Variants in OR8D4 observed in about 807,000 individuals in gnomAD.
OR8D4 encodes olfactory receptor 8D4.
For missense variants in OR8D4, 359 were observed against 372.6 expected, an observed-to-expected ratio of 0.96 and a Z score of 0.30; for synonymous variants, 141 against 134.8, an observed-to-expected ratio of 1.05 and a Z score of -0.32.
At position 123,906,540 on chromosome 11, in the gene OR8D4, G is replaced by A; in HGVS notation, c.109G>A (p.Val37Ile). The change falls in exon 2 of 2, where the codon GTT (valine) becomes ATT (isoleucine). Residue 37 changes from valine (V) to isoleucine (I), a missense_variant. By Grantham distance (29) the Val-to-Ile change is conservative. Coordinates refer to ENST00000641687, the MANE Select transcript of OR8D4 (RefSeq NM_001005197.2). ...LFCLFLGIYT[V>I]TVVGNLSMIS... ...CTGCCTCTTCTTAGGAATTTACACA[G>A]TTACTGTGGTGGGAAACCTCAGCAT... 6.2e-7 allele frequency: 1 copy of A among 1,613,794 alleles called. No homozygotes were observed. The highest frequency in any genetic ancestry group is 8.5e-7 in the Non-Finnish European group (1 of 1,179,738).
rs1032749427 is a variant in OR8D4, at chr11:123,907,471, G to A, written c.*95G>A. On this transcript the variant is annotated 3_prime_UTR_variant, in exon 2 of 2. Coordinates refer to ENST00000641687, the MANE Select transcript of OR8D4 (RefSeq NM_001005197.2). The stretch of plus-strand genomic sequence containing the variant: ...TATTTAAAAGTAATTTGAGGTCCAG[G>A]TACGGTGACTTACGCCTGTAATCCC... The A allele has an allele frequency of 8.2e-6, 5 of 606,084 alleles. No individual in the cohort carries two copies. Among genetic ancestry groups the A allele is most frequent in the South Asian group, 2.7e-5 (1 of 36,862 alleles). The allele number at this position is 606,084 out of a possible 1,614,324, so 37.5% of individuals were successfully genotyped here.
chr11:123,904,259 G>C (rs996139662), intron 1 of OR8D4, among the ~76,000 whole-genome samples: 1 of 152,130 alleles, frequency 6.6e-6, no homozygotes, highest in African/African-American at 2.4e-5. Flanking sequence ...TGAGAAGAGG[G>C]AAGAACAGTG....
At chr11:123,905,395 G>T (rs994537817) in intron 1 of OR8D4, among the ~76,000 whole-genome samples, 1 of 152,154 alleles carries the variant, frequency 6.6e-6, no homozygotes, top group Admixed American at 6.5e-5. Context: ...GATAAATATT[G>T]TATTTATATA....
In OR8D4 at chr11:123,906,836, C is replaced by G. The variant is rs1156448267; in HGVS notation, c.405C>G (p.Ile135Met). ...AICSPLLYRV[I>M]MSPRVCSLLV... ...GCAGCCCACTGCTCTACAGGGTCAT[C>G]ATGTCCCCTAGGGTCTGTTCTCTGC... Residue 135 changes from isoleucine (I) to methionine (M), a missense_variant, in exon 2 of 2, where the codon ATC (isoleucine) becomes ATG (methionine). Ile to Met is a conservative substitution (Grantham distance 10). Transcript: ENST00000641687. 6.2e-7 allele frequency: 1 copy of G among 1,613,974 alleles called. No individual in the cohort carries two copies. Among genetic ancestry groups the G allele is most frequent in the East Asian group, 2.2e-5 (1 of 44,850 alleles).
At position 123,907,029 on chromosome 11, in the gene OR8D4, T is replaced by C. The variant is rs10790610; in HGVS notation, c.598T>C (p.Phe200Leu). The C allele has an allele frequency of 0.32, 511,132 of 1,613,752 alleles. 83,253 individuals are homozygous for C. Among genetic ancestry groups the C allele is most frequent in the Admixed American group, 0.36 (21,860 of 60,014 alleles). The change falls in exon 2 of 2, where the codon TTT (phenylalanine) becomes CTT (leucine). Residue 200 changes from phenylalanine (F) to leucine (L), a missense_variant. Physicochemically the swap from Phe to Leu is conservative, Grantham distance 22 (BLOSUM62 0). Transcript: ENST00000641687. ...CACTTATATTGATGAGCTTTTGATT[T>C]TTGTCATTGGTGGATTTAACATGGT... The part of the protein sequence containing the change: ...SSTYIDELLI[F>L]VIGGFNMVAT...
At chr11:123,905,754 G>T (rs752188235) in intron 1 of OR8D4, among the ~76,000 whole-genome samples, 1 of 152,114 alleles carries the variant, frequency 6.6e-6, no homozygotes, top group Non-Finnish European at 1.5e-5. Flanking sequence ...GGGGAGTCAG[G>T]CTGGTGGGAG....
At chr11:123,904,552 G>A (rs940832070) in intron 1 of OR8D4, among the ~76,000 whole-genome samples, 2 of 152,124 alleles carry the variant, frequency 1.3e-5, no homozygotes, top group South Asian at 2.1e-4. Context: ...GGAAGACTCC[G>A]GGTATTTCTG....
At chr11:123,903,135 C>A (rs1241909593) in intron 1 of OR8D4, among the ~76,000 whole-genome samples, 2 of 151,778 alleles carry the variant, frequency 1.3e-5, no homozygotes, top group East Asian at 1.9e-4. Context: ...ATTTACTTAG[C>A]ATTTACATTA....
At position 123,906,456 on chromosome 11, in the gene OR8D4, G is replaced by A; in HGVS notation, c.25G>A (p.Val9Met). 1 of 1,609,086 alleles carries A rather than the reference G, an allele frequency of 6.2e-7. No individual in the cohort carries two copies. Among genetic ancestry groups the A allele is most frequent in the South Asian group, 1.1e-5 (1 of 90,342 alleles). The change falls in exon 2 of 2, where the codon GTG (valine) becomes ATG (methionine). Residue 9 changes from valine (V) to methionine (M), a missense_variant. Physicochemically the swap from Val to Met is conservative, Grantham distance 21 (BLOSUM62 1). Coordinates refer to ENST00000641687, the MANE Select transcript of OR8D4 (RefSeq NM_001005197.2). ...AATGGGTGTAAAAAACCATTCCACA[G>A]TGACTGAGTTTCTTCTTTCAGGATT... Reference protein sequence around the residue: MGVKNHSTVTEFLLSGLTE... With the variant: MGVKNHSTMTEFLLSGLTE...
intron 1 of OR8D4, among the ~76,000 whole-genome samples, chr11:123,902,662 A>G (rs981474946): frequency 6.6e-6 from 1 of 152,158 alleles, no homozygotes; most frequent in Non-Finnish European, 1.5e-5. Flanking sequence ...TGTAAATCTT[A>G]GAAATGAAAA....
In OR8D4 at chr11:123,906,632, T is replaced by G; in HGVS notation, c.201T>G (p.Ser67=). The G allele has an allele frequency of 6.2e-7, 1 of 1,613,630 alleles. No individual in the cohort carries two copies. Among genetic ancestry groups the G allele is most frequent in the Non-Finnish European group, 8.5e-7 (1 of 1,179,522 alleles). The change falls in exon 2 of 2, where the codon TCT becomes TCG. Residue 67 remains serine (S), a synonymous_variant. Transcript: ENST00000641687. ...TPMYYFLSSL[S]FLDFCYSSVI... Reference sequence around the variant, plus strand: ...TGTACTATTTCCTGAGTAGTTTGTCTTTTTTAGATTTCTGCTATTCTTCTG... The same window carrying G: ...TGTACTATTTCCTGAGTAGTTTGTCGTTTTTAGATTTCTGCTATTCTTCTG...
chr11:123,903,919 C>T (rs899145397), intron 1 of OR8D4, among the ~76,000 whole-genome samples: 4 of 152,118 alleles, frequency 2.6e-5, no homozygotes, highest in African/African-American at 9.7e-5. Context: ...ATGGGCTTTA[C>T]ATAATCAGGT....
chr11:123,908,004 C>G lies in OR8D4; in HGVS notation c.*628C>G, dbSNP rs1269512765. 6.6e-6 allele frequency: 1 copy of G among 151,878 alleles called. No homozygotes were observed. The highest frequency in any genetic ancestry group is 2.4e-5 in the African/African-American group (1 of 41,338). 9.4% of individuals were successfully genotyped at this position (151,878 alleles called of 1,614,324 possible). A position where few individuals can be genotyped will look rare whatever the true frequency, so the allele number is the denominator to read the frequency against. Reference sequence around the variant, plus strand: ...ACTGCATAGTCATATCAGAAGAAAACCACACCTAATTTCAAAAAAAATTGA... The same window carrying G: ...ACTGCATAGTCATATCAGAAGAAAAGCACACCTAATTTCAAAAAAAATTGA... On this transcript the variant is annotated 3_prime_UTR_variant, in exon 2 of 2. Coordinates refer to ENST00000641687, the MANE Select transcript of OR8D4 (RefSeq NM_001005197.2).
chr11:123,903,586 A>C (rs1863177956), intron 1 of OR8D4, among the ~76,000 whole-genome samples: 1 of 152,180 alleles, frequency 6.6e-6, no homozygotes, highest in Non-Finnish European at 1.5e-5. Context: ...GAATCAATGT[A>C]GTAGATTATT....
intron 1 of OR8D4, among the ~76,000 whole-genome samples, chr11:123,904,154 T>C (rs1863181970): frequency 6.6e-6 from 1 of 152,178 alleles, no homozygotes; most frequent in Non-Finnish European, 1.5e-5. Flanking sequence ...GTGATACTGC[T>C]ACTACTGGTT....
Position 123,908,516 on chromosome 11 carries a change from A to G in OR8D4, c.*1140A>G, listed in dbSNP as rs570067049. ...TGTTCAGCATATGCTTATCATGGAC[A>G]CCATGTGCCAGGCACTGTTCTGAGT... On this transcript the variant is annotated 3_prime_UTR_variant, in exon 2 of 2. Coordinates refer to ENST00000641687, the MANE Select transcript of OR8D4 (RefSeq NM_001005197.2). 1.3e-5 allele frequency: 2 copies of G among 152,330 alleles called. No individual in the cohort carries two copies. Among genetic ancestry groups the G allele is most frequent in the African/African-American group, 4.8e-5 (2 of 41,586 alleles). 9.4% of individuals were successfully genotyped at this position (152,330 alleles called of 1,614,324 possible).
At chr11:123,903,158 TAA>T (rs1863174413) in intron 1 of OR8D4, among the ~76,000 whole-genome samples, 1 of 150,510 alleles carries the variant, frequency 6.6e-6, no homozygotes, top group Non-Finnish European at 1.5e-5. Context: ...TTAGGTATTA[TAA>T]GTAATCTAGA....
At position 123,907,036 on chromosome 11, in the gene OR8D4, T is replaced by C. The variant is rs772201153; in HGVS notation, c.605T>C (p.Ile202Thr). 1.1e-5 allele frequency: 18 copies of C among 1,614,118 alleles called. No individual in the cohort carries two copies. Among genetic ancestry groups the C allele is most frequent in the Non-Finnish European group, 1.5e-5 (18 of 1,179,970 alleles). Residue 202 changes from isoleucine (I) to threonine (T), a missense_variant, in exon 2 of 2, where the codon ATT becomes ACT. By Grantham distance (89) the Ile-to-Thr change is moderately conservative. Transcript: ENST00000641687. ...ATTGATGAGCTTTTGATTTTTGTCA[T>C]TGGTGGATTTAACATGGTGGCCACA... ...TYIDELLIFV[I>T]GGFNMVATSL...
intron 1 of OR8D4, among the ~76,000 whole-genome samples, chr11:123,903,120 G>T (rs1324179153): frequency 6.6e-6 from 1 of 151,700 alleles, no homozygotes; most frequent in Non-Finnish European, 1.5e-5. Context: ...TATACTAAAA[G>T]AAATATTTAC....
Sources: allele counts gnomAD v4.1 joint callset (sites outside exome capture counted in the v4.1 genomes callset), GRCh38; gene constraint gnomAD v4.1.1; transcripts MANE v1.5; gene names NCBI Gene and HGNC (gene_info 2026-07-23, HGNC 2026-07-21).